Variants in LIN28B observed in about 807,000 individuals in gnomAD.
LIN28B encodes the protein lin-28 RNA binding posttranscriptional regulator B, also known as protein lin-28 homolog B.
A neutral mutation model predicts 21.9 loss-of-function variants in LIN28B; 5 were observed. The observed-to-expected ratio is 0.23, with a 90% CI of 0.12 to 0.48. LIN28B has a LOEUF of 0.48. LIN28B is among the 20% of genes least tolerant of loss of function. The pLI, the probability that LIN28B is intolerant of heterozygous loss-of-function variation, is 0.98. For synonymous variants in LIN28B, 109 were observed against 111.3 expected (o/e 0.98, Z 0.13); for missense variants, 245 against 310.5 (o/e 0.79, Z 1.58).
intron 3 of LIN28B, among the ~76,000 whole-genome samples, chr6:105,055,042 C>G (rs1482634765): frequency 6.6e-6 from 1 of 151,864 alleles, no homozygotes. Context: ...TTATTTGTTC[C>G]ATAGTGTAAA....
chr6:104,962,361 TTTACC>T (rs1451473659), intron 2 of LIN28B, among the ~76,000 whole-genome samples: 5 of 152,068 alleles, frequency 3.3e-5, no homozygotes, highest in African/African-American at 9.7e-5. Flanking sequence ...TTCATCTTCA[TTTACC>T]TTACAAGTAT....
intron 3 of LIN28B, chr6:104,950,516 C>CTTTT (rs74879333): frequency 9.7e-7 from 1 of 1,035,966 alleles, no homozygotes; most frequent in Non-Finnish European, 1.2e-6. Context: ...CCAGGTTAGT[C>CTTTT]TTTTTTTTTT....
rs776654426 is a variant in LIN28B, at chr6:104,958,209, A to C, written c.121A>C (p.Met41Leu). 4 of 1,605,606 alleles carry C rather than the reference A, an allele frequency of 2.5e-6. No homozygotes were observed. In the South Asian group the frequency reaches 4.4e-5, roughly 18 times the overall value. Residue 41 changes from methionine (M) to leucine (L), a missense_variant, in exon 2 of 4, where the codon ATG (methionine) becomes CTG (leucine). Coordinates refer to ENST00000345080, the MANE Select transcript of LIN28B (RefSeq NM_001004317.4). ...TGHCKWFNVR[M>L]GFGFISMINR... ...CCACTGTAAGTGGTTCAATGTGCGC[A>C]TGGGATTTGGATTCATCTCCATGAT...
At chr6:105,009,208 C>T (rs1770875582) in intron 2 of LIN28B, among the ~76,000 whole-genome samples, 1 of 152,196 alleles carries the variant, frequency 6.6e-6, no homozygotes, top group Admixed American at 6.5e-5. Context: ...ATATATGAAC[C>T]TGGTGGTACC....
chr6:104,987,741 T>C (rs578142108), intron 2 of LIN28B, among the ~76,000 whole-genome samples: 1 of 152,296 alleles, frequency 6.6e-6, no homozygotes, highest in East Asian at 1.9e-4. Flanking sequence ...TTTTCCCATC[T>C]CAATACTCGT....
At chr6:105,077,465 G>A (rs1307429458) in intron 3 of LIN28B, among the ~76,000 whole-genome samples, 2 of 151,936 alleles carry the variant, frequency 1.3e-5, no homozygotes, top group Non-Finnish European at 2.9e-5. Flanking sequence ...AAGAAAATCT[G>A]ATTGAACAAA....
chr6:105,019,400 A>G (rs1771091627), intron 2 of LIN28B, among the ~76,000 whole-genome samples: 1 of 152,168 alleles, frequency 6.6e-6, no homozygotes, highest in Non-Finnish European at 1.5e-5. Context: ...GGGTGTATGC[A>G]CAGGATCCAA....
At chr6:105,010,985 T>G (rs1451708196) in intron 2 of LIN28B, among the ~76,000 whole-genome samples, 2 of 152,210 alleles carry the variant, frequency 1.3e-5, no homozygotes, top group Non-Finnish European at 2.9e-5. Context: ...ATAAAGCTGT[T>G]TTTACTTGCT....
intron 2 of LIN28B, among the ~76,000 whole-genome samples, chr6:105,023,200 G>T (rs1771171599): frequency 1.3e-5 from 1 of 75,880 alleles, no homozygotes; most frequent in Non-Finnish European, 2.5e-5. Flanking sequence ...AGCCATTATA[G>T]TTTCTTATGG....
chr6:104,986,743 A>G (rs1166377750), intron 2 of LIN28B, among the ~76,000 whole-genome samples: 2 of 152,210 alleles, frequency 1.3e-5, no homozygotes, highest in African/African-American at 2.4e-5. Flanking sequence ...TGCTCCAAGA[A>G]TGTAATTCTC....
intron 3 of LIN28B, among the ~76,000 whole-genome samples, chr6:105,027,227 T>C (rs1364176442): frequency 1.3e-5 from 2 of 152,134 alleles, no homozygotes; most frequent in African/African-American, 4.8e-5. Context: ...TTTAAAAATT[T>C]CAATACCTAG....
chr6:105,033,627 AT>A (rs1280364014), intron 3 of LIN28B, among the ~76,000 whole-genome samples: 2 of 151,936 alleles, frequency 1.3e-5, no homozygotes, highest in East Asian at 3.8e-4. Context: ...ATTTTTTTCT[AT>A]TTAGTTTTTC....
intron 2 of LIN28B, among the ~76,000 whole-genome samples, chr6:104,938,991 T>C (rs959141672): frequency 6.6e-6 from 1 of 152,176 alleles, no homozygotes; most frequent in African/African-American, 2.4e-5. Context: ...TAAATAGGTA[T>C]TGCATAAATA....
At chr6:104,971,602 G>A (rs1769986407) in intron 2 of LIN28B, among the ~76,000 whole-genome samples, 1 of 152,076 alleles carries the variant, frequency 6.6e-6, no homozygotes. Flanking sequence ...ATAACAGTGG[G>A]TTATCAACCT....
intron 2 of LIN28B, chr6:104,940,662 C>T (rs1051036673): frequency 6.6e-6 from 1 of 150,532 alleles, no homozygotes; most frequent in African/African-American, 2.4e-5. Flanking sequence ...CCAGTCGAAC[C>T]GCCTGGTGCC....
intron 2 of LIN28B, among the ~76,000 whole-genome samples, chr6:104,971,324 C>T (rs1769974379): frequency 6.6e-6 from 1 of 151,910 alleles, no homozygotes; most frequent in African/African-American, 2.4e-5. Flanking sequence ...TTATTGTTTA[C>T]ATAAAAAATT....
intron 2 of LIN28B, among the ~76,000 whole-genome samples, chr6:104,991,345 C>A (rs1268801677): frequency 8.6e-5 from 13 of 150,814 alleles, no homozygotes; most frequent in Non-Finnish European, 1.8e-4. Context: ...AGTGGGCGGC[C>A]GGGCAGAGAC....
intron 3 of LIN28B, among the ~76,000 whole-genome samples, chr6:105,035,801 A>T (rs1344043680): frequency 6.6e-6 from 1 of 152,198 alleles, no homozygotes; most frequent in Non-Finnish European, 1.5e-5. Flanking sequence ...TCTTGTATGC[A>T]TTTGTATACT....
At chr6:104,943,841 A>T (rs887605172) in intron 2 of LIN28B, among the ~76,000 whole-genome samples, 4 of 152,200 alleles carry the variant, frequency 2.6e-5, no homozygotes, top group African/African-American at 9.6e-5. Context: ...AATTCTTTAC[A>T]TTCAAATACT....
Sources: allele counts gnomAD v4.1 joint callset (sites outside exome capture counted in the v4.1 genomes callset), GRCh38; gene constraint gnomAD v4.1.1; transcripts MANE v1.5; gene names NCBI Gene and HGNC (gene_info 2026-07-23, HGNC 2026-07-21).